The following CIMIP5 variants were observed in gnomAD, a reference collection of about 807,000 sequenced individuals.
CIMIP5 encodes the protein uncharacterized protein C2orf50.
chr2:11,151,886 A>G, the CIMIP5 span, among the ~76,000 whole-genome samples: 1 of 152,226 alleles, frequency 6.6e-6, no homozygotes, highest in Non-Finnish European at 1.5e-5. Flanking sequence ...TGCACGCCTC[A>G]GCCTCCCAAA....
chr2:11,143,545 T>C, the CIMIP5 span, among the ~76,000 whole-genome samples: 2 of 150,552 alleles, frequency 1.3e-5, no homozygotes, highest in Admixed American at 6.6e-5. Context: ...GTGTGAATGT[T>C]ATACTCTTAA....
At chr2:11,154,289 A>T in the CIMIP5 span, among the ~76,000 whole-genome samples, 1 of 152,044 alleles carries the variant, frequency 6.6e-6, no homozygotes. Flanking sequence ...GTTTCCTTTA[A>T]GGGTTCCCTT....
the CIMIP5 span, chr2:11,144,449 C>CT: frequency 1.1e-5 from 2 of 183,714 alleles, no homozygotes; most frequent in African/African-American, 4.7e-5. Context: ...GCTGTGGGAC[C>CT]TTGAGCTGGC....
At chr2:11,142,543 G>A in the CIMIP5 span, among the ~76,000 whole-genome samples, 7 of 152,074 alleles carry the variant, frequency 4.6e-5, no homozygotes, top group Non-Finnish European at 1.0e-4. Context: ...CCTGACTACT[G>A]AAATCTGCAT....
chr2:11,145,948 A>G, the CIMIP5 span: 1 of 152,274 alleles, frequency 6.6e-6, no homozygotes, highest in East Asian at 1.9e-4. Context: ...CAAGAGAATC[A>G]ACAGGCAGGG....
At chr2:11,149,443 C>T in the CIMIP5 span, among the ~76,000 whole-genome samples, 1 of 152,194 alleles carries the variant, frequency 6.6e-6, no homozygotes, top group African/African-American at 2.4e-5. Context: ...CTGTGACTCA[C>T]GCCCATAATG....
At chr2:11,143,262 A>T in the CIMIP5 span, among the ~76,000 whole-genome samples, 1 of 152,102 alleles carries the variant, frequency 6.6e-6, no homozygotes, top group African/African-American at 2.4e-5. Context: ...CGGCAGCCAC[A>T]CTCCAAAGCT....
the CIMIP5 span, among the ~76,000 whole-genome samples, chr2:11,153,342 A>G: frequency 6.6e-6 from 1 of 152,168 alleles, no homozygotes. Flanking sequence ...ATACCTCTCA[A>G]AGGCCCCTCA....
chr2:11,138,519 A>T, the CIMIP5 span, among the ~76,000 whole-genome samples: 1 of 152,214 alleles, frequency 6.6e-6, no homozygotes, highest in African/African-American at 2.4e-5. Context: ...TTTAAATTTT[A>T]AAAAATATTA....
the CIMIP5 span, among the ~76,000 whole-genome samples, chr2:11,136,112 T>G: frequency 6.6e-6 from 1 of 152,232 alleles, no homozygotes; most frequent in Admixed American, 6.5e-5. Context: ...TTTCCTTTGC[T>G]CTTCAGAAGT....
At chr2:11,138,778 C>G in the CIMIP5 span, among the ~76,000 whole-genome samples, 3 of 152,164 alleles carry the variant, frequency 2.0e-5, no homozygotes, top group African/African-American at 7.2e-5. Context: ...ATGTGACCTG[C>G]CTGCTGCCAC....
At chr2:11,148,459 A>G in the CIMIP5 span, among the ~76,000 whole-genome samples, 13 of 152,066 alleles carry the variant, frequency 8.5e-5, no homozygotes, top group Non-Finnish European at 1.5e-4. Flanking sequence ...CACGGAAAGT[A>G]CAAGGCGAGC....
chr2:11,141,375 G>C, the CIMIP5 span, among the ~76,000 whole-genome samples: 1 of 151,718 alleles, frequency 6.6e-6, no homozygotes, highest in Non-Finnish European at 1.5e-5. Flanking sequence ...TTAGCCAACT[G>C]CCTCGGCTTC....
chr2:11,133,432 G>A, the CIMIP5 span: 17 of 1,610,380 alleles, frequency 1.1e-5, no homozygotes, highest in Middle Eastern at 4.9e-4. Flanking sequence ...CCAGCTGCCC[G>A]GGGTGGCCCT....
At chr2:11,137,693 C>T in the CIMIP5 span, among the ~76,000 whole-genome samples, 2 of 152,080 alleles carry the variant, frequency 1.3e-5, no homozygotes, top group African/African-American at 4.8e-5. Context: ...GGTGCATTAA[C>T]AAGAAAGTGA....
At chr2:11,133,698 C>T in the CIMIP5 span, 8 of 1,458,068 alleles carry the variant, frequency 5.5e-6, no homozygotes, top group South Asian at 5.6e-5. Context: ...GGCTGAGGGA[C>T]AGAGGGCATG....
chr2:11,137,152 C>T, the CIMIP5 span, among the ~76,000 whole-genome samples: 3 of 152,208 alleles, frequency 2.0e-5, no homozygotes, highest in Non-Finnish European at 4.4e-5. Flanking sequence ...GTGGGCAGAT[C>T]ACCTGAAGTC....
the CIMIP5 span, among the ~76,000 whole-genome samples, chr2:11,150,628 G>A: frequency 5.7e-5 from 8 of 140,650 alleles, no homozygotes; most frequent in East Asian, 2.2e-4. Flanking sequence ...CACCGTGCCC[G>A]GTGGTTTAGG....
At chr2:11,151,922 C>T in the CIMIP5 span, among the ~76,000 whole-genome samples, 1 of 152,256 alleles carries the variant, frequency 6.6e-6, no homozygotes. Flanking sequence ...GCGTGAGCCA[C>T]CGCGCTCCGA....
Sources: gnomAD v4.1 joint callset for allele counts (sites outside exome capture counted in the v4.1 genomes callset) on GRCh38, gnomAD v4.1.1 for gene constraint, MANE v1.5 for transcripts, NCBI Gene and HGNC (gene_info 2026-07-23, HGNC 2026-07-21) for gene names.